The following MEFV variants were observed in gnomAD, a reference collection of about 807,000 sequenced individuals.
MEFV encodes the protein MEFV innate immunity regulator, pyrin, also known as pyrin.
In MEFV, 60 loss-of-function variants were observed where a neutral mutation model predicts 62.5. The ratio of observed to expected loss-of-function variants is 0.96; its 90% CI spans 0.78 to 1.19. The LOEUF (loss-of-function observed/expected upper bound fraction) is 1.19. Among genes scored for constraint, MEFV ranks in the 50% most tolerant of loss-of-function variants. MEFV has a pLI of 0.00. For missense variants in MEFV, 1,169 were observed against 1,004.5 expected (o/e 1.16, Z -2.21); for synonymous variants, 500 against 415.2 (o/e 1.20, Z -2.48).
chr16:3,253,427 C>T (rs532247903), intron 2 of MEFV, among the ~76,000 whole-genome samples: 1 of 152,142 alleles, frequency 6.6e-6, no homozygotes, highest in African/African-American at 2.4e-5. Flanking sequence ...CAGACGCCTG[C>T]AGAGGTGAGC....
At chr16:3,244,307 CAG>C in intron 7 of MEFV, 21 bp from the exon 8 acceptor site, 1 of 1,613,960 alleles carries the variant, frequency 6.2e-7, no homozygotes. Context: ...GGAAAGGGAG[CAG>C]AGAGAAGCTG....
rs1182023928 is a variant in MEFV at position 3,242,924 on chromosome 16, A to C, written c.*217T>G. ...CTCCGTACTTCCTCCTCTGAAATCC[A>C]TGGTGTGTCATCAGTACATGTCTTC... is the stretch of plus-strand genomic sequence containing the variant. On this transcript the variant is annotated 3_prime_UTR_variant, in exon 10 of 10. Transcript: ENST00000219596. 1 of 593,982 alleles carries C rather than the reference A, an allele frequency of 1.7e-6. No homozygotes were observed. The highest frequency in any genetic ancestry group is 1.9e-5 in the African/African-American group (1 of 54,024). 36.8% of individuals were successfully genotyped at this position (593,982 alleles called of 1,614,324 possible). A position where few individuals can be genotyped will look rare whatever the true frequency, so the allele number is the denominator to read the frequency against.
chr16:3,252,051 T>TA (rs33924616), intron 2 of MEFV: 13,794 of 263,036 alleles, frequency 0.052, 171 homozygotes, highest in Middle Eastern at 0.11. Context: ...ACCCCATATC[T>TA]AAAAAAAAAA....
In MEFV at chr16:3,246,540, C is replaced by T. The variant is rs763288390; in HGVS notation, c.1595G>A (p.Gly532Glu). ...CTCGCTGTACCTGTGCAAGATGTCTCCAATGTCCTAGGAGAAAAAAGAAGG... is the reference window on the plus strand; with the variant it reads ...CTCGCTGTACCTGTGCAAGATGTCTTCAATGTCCTAGGAGAAAAAAGAAGG... Reference protein sequence around the residue: ...QSEWELLQDIGDILHRAKTVP... With the variant: ...QSEWELLQDIEDILHRAKTVP... Residue 532 changes from glycine (G) to glutamate (E), a missense_variant, in exon 6 of 10, where the codon GGA becomes GAA. Transcript: ENST00000219596. 12 of 1,614,100 alleles carry T rather than the reference C, an allele frequency of 7.4e-6. No individual in the cohort carries two copies. The highest frequency in any genetic ancestry group is 6.6e-5 in the South Asian group (6 of 91,080).
In MEFV at chr16:3,243,882, C is replaced by T. The variant is rs139692347; in HGVS notation, c.1770G>A (p.Leu590=). The T allele has an allele frequency of 2.6e-5, 42 of 1,613,976 alleles. No individual in the cohort carries two copies. In the Admixed American group the frequency reaches 4.7e-4, roughly 18 times the overall value. The change falls in exon 9 of 10, where the codon CTG becomes CTA. Residue 590 remains leucine (L), a synonymous_variant. Transcript: ENST00000219596. ...TACCAGCATGTGCCTGAGCGCCAATCAGCTCCGGAACTACGGAGAAAAATC... is the reference window on the plus strand; with the variant it reads ...TACCAGCATGTGCCTGAGCGCCAATTAGCTCCGGAACTACGGAGAAAAATC... ...SEMEMFNVPE[L]IGAQAHAVNV...
intron 4 of MEFV, chr16:3,248,514 C>T (rs745893786): frequency 1.5e-5 from 4 of 260,900 alleles, no homozygotes; most frequent in South Asian, 8.2e-5. Flanking sequence ...CGCTTGAACC[C>T]GGGAGGCAGA....
At chr16:3,244,647 C>T (rs568907438) in intron 6 of MEFV, 59 bp from the exon 7 acceptor site, 58 of 1,280,318 alleles carry the variant, frequency 4.5e-5, no homozygotes, top group Non-Finnish European at 5.9e-5. Flanking sequence ...CCCAAGTACC[C>T]GTGAGCTGGA....
rs1006819766 is a variant in MEFV at position 3,254,456 on chromosome 16, G to A, written c.612C>T (p.Arg204=). The change falls in exon 2 of 10, where the codon CGC becomes CGT. Residue 204 remains arginine (R), a synonymous_variant. Coordinates refer to ENST00000219596, the MANE Select transcript of MEFV (RefSeq NM_000243.3). ...GCCTCCCCGCGGAGCTGGCGTTTCT[G>A]CGCAGCCGGACCTCGGCCTGGCCCC... ...LEGGQAEVRL[R]RNASSAGRLQ... is the part of the protein sequence containing the mutation. 19 of 1,606,824 alleles carry A rather than the reference G, an allele frequency of 1.2e-5. No homozygotes were observed. The highest frequency in any genetic ancestry group is 1.6e-5 in the Non-Finnish European group (19 of 1,176,888).
intron 6 of MEFV, among the ~76,000 whole-genome samples, chr16:3,245,673 A>G (rs1304561760): frequency 1.3e-5 from 2 of 152,024 alleles, no homozygotes; most frequent in Admixed American, 6.6e-5. Flanking sequence ...ACAGAAGAAA[A>G]TAAGTGATGG....
In MEFV at chr16:3,243,403, T is replaced by C. The variant is rs104895094; in HGVS notation, c.2084A>G (p.Lys695Arg). The C allele has an allele frequency of 4.0e-3, 6,384 of 1,614,186 alleles. 54 individuals are homozygous for C. The highest frequency in any genetic ancestry group is 3.9e-3 in the Non-Finnish European group (4,610 of 1,180,032). Residue 695 changes from lysine (K) to arginine (R), a missense_variant, in exon 10 of 10, where the codon AAG (lysine) becomes AGG (arginine). By Grantham distance (26) the Lys-to-Arg change is conservative (BLOSUM62 2). Transcript: ENST00000219596. ...ENGYWVVIMMKENEYQASSVP... is the reference protein window; with the variant it reads ...ENGYWVVIMMRENEYQASSVP... ...GCTGGACGCCTGGTACTCATTTTCC[T>C]TCATCATTATCACCACCCAGTAGCC...
Position 3,254,738 on chromosome 16 carries a change from C to A in MEFV, c.330G>T (p.Leu110=). The A allele has an allele frequency of 1.2e-6, 2 of 1,612,856 alleles. No homozygotes were observed. Among genetic ancestry groups the A allele is most frequent in the Non-Finnish European group, 1.7e-6 (2 of 1,180,030 alleles). ...GTDDSAASSS[L]GENKPRSLKT... ...TCAGGCTCCTGGGCTTGTTCTCCCC[C>A]AGGGAGCTGGACGCTGCGGAATCAT... Residue 110 remains leucine, a synonymous_variant, in exon 2 of 10, where the codon CTG becomes CTT. Transcript: ENST00000219596.
intron 2 of MEFV, among the ~76,000 whole-genome samples, chr16:3,252,579 C>T (rs1473790722): frequency 6.6e-6 from 1 of 151,592 alleles, no homozygotes; most frequent in Non-Finnish European, 1.5e-5. Context: ...CGGCCTGGAC[C>T]CCCAATTCTA....
chr16:3,247,296 G>C, intron 4 of MEFV, 50 bp from the exon 5 acceptor site: 2 of 1,551,744 alleles, frequency 1.3e-6, no homozygotes, highest in Non-Finnish European at 8.9e-7. Flanking sequence ...GTGGGTGGAC[G>C]TGGATGTCCA....
At chr16:3,254,077 G>A in intron 2 of MEFV, 81 bp downstream of exon 2, 1 of 1,508,788 alleles carries the variant, frequency 6.6e-7, no homozygotes, top group Non-Finnish European at 9.0e-7. Context: ...CAAAGCGCTG[G>A]GATTACAGGC....
At position 3,247,011 on chromosome 16, in the gene MEFV, C is replaced by T. The variant is rs1555458661; in HGVS notation, c.1587+5G>A. 1.2e-6 allele frequency: 2 copies of T among 1,614,092 alleles called. No individual in the cohort carries two copies. Among genetic ancestry groups the T allele is most frequent in the Non-Finnish European group, 1.7e-6 (2 of 1,179,940 alleles). ...CCCAAGAAAGCCGGGCCCAGGCACA[C>T]CCACCTGCAGAAGTTCCCATTCTGA... On this transcript the variant is annotated splice_donor_5th_base_variant and intron_variant, in intron 5 of 9. Coordinates refer to ENST00000219596, the MANE Select transcript of MEFV (RefSeq NM_000243.3).
At position 3,254,855 on chromosome 16, in the gene MEFV, A is replaced by T. The variant is rs564027542; in HGVS notation, c.278-65T>A. The T allele has an allele frequency of 3.9e-5, 63 of 1,600,906 alleles. No individual in the cohort carries two copies. In the East Asian group the frequency reaches 9.6e-4, roughly 24 times the overall value. On this transcript the variant is annotated intron_variant, in intron 1 of 9. Transcript: ENST00000219596. The stretch of plus-strand genomic sequence containing the variant: ...ACGTTTAGGGCCCAAGATTCAGGGC[A>T]GAGGAGAGAGAATCCCCTTGGATAT...
At chr16:3,247,410 T>G (rs1430047180) in intron 4 of MEFV, 164 bp from the exon 5 acceptor site, 9 of 622,420 alleles carry the variant, frequency 1.4e-5, no homozygotes, top group Non-Finnish European at 2.5e-5. Flanking sequence ...TCTGGAACCT[T>G]CCAGAAAAGA....
intron 8 of MEFV, 130 bp from the exon 9 acceptor site, chr16:3,244,022 T>C (rs749068208): frequency 1.2e-5 from 18 of 1,555,016 alleles, no homozygotes; most frequent in Non-Finnish European, 1.5e-5. Context: ...ATGTTGGGTA[T>C]AATCCCGTTC....
At chr16:3,255,257 CAGT>C (rs1959100048) in intron 1 of MEFV, among the ~76,000 whole-genome samples, 1 of 150,728 alleles carries the variant, frequency 6.6e-6, no homozygotes, top group Non-Finnish European at 1.5e-5. Context: ...GTGGAGGTTG[CAGT>C]GAGCTGAGAT....
Sources: allele counts gnomAD v4.1 joint callset (sites outside exome capture counted in the v4.1 genomes callset), GRCh38; gene constraint gnomAD v4.1.1; transcripts MANE v1.5; gene names NCBI Gene and HGNC (gene_info 2026-07-23, HGNC 2026-07-21).